RGPD8: variants seen among roughly 807,000 people sequenced by gnomAD.
RGPD8 encodes the protein RANBP2 like and GRIP domain containing 8, also known as RANBP2-like and GRIP domain-containing protein 8.
Under a neutral mutation model 89.1 loss-of-function variants are expected in RGPD8, and 15 were observed. The ratio of observed to expected loss-of-function variants is 0.17; its 90% CI spans 0.11 to 0.26. RGPD8 has a LOEUF of 0.26. Ranked by LOEUF, RGPD8 falls within the 10% of genes least tolerant of loss-of-function variation. The pLI is 1.00. For missense variants in RGPD8, 178 were observed against 1,179.6 expected (o/e 0.15, Z 12.44); for synonymous variants, 62 against 420.9 (o/e 0.15, Z 10.44).
At chr2:112,428,765 T>A (rs1679886872) in intron 1 of RGPD8, among the ~76,000 whole-genome samples, 1 of 152,194 alleles carries the variant, frequency 6.6e-6, no homozygotes, top group African/African-American at 2.4e-5. Context: ...TTTGACCACA[T>A]TTGAGGGTTT....
chr2:112,411,084 C>G, intron 7 of RGPD8, among the ~76,000 whole-genome samples: 1 of 151,908 alleles, frequency 6.6e-6, no homozygotes, highest in Non-Finnish European at 1.5e-5. Flanking sequence ...AACTCCGTCT[C>G]AAAAAGAAAA....
chr2:112,411,520 G>A (rs1224595407), intron 7 of RGPD8, among the ~76,000 whole-genome samples: 3 of 29,386 alleles, frequency 1.0e-4, no homozygotes, highest in African/African-American at 4.1e-4. Context: ...GCAGTGAGCC[G>A]AGATCATGCC....
At chr2:112,370,890 C>A (rs1290466123) in intron 22 of RGPD8, among the ~76,000 whole-genome samples, 2 of 151,766 alleles carry the variant, frequency 1.3e-5, no homozygotes, top group Admixed American at 1.3e-4. Context: ...ATCTTACCAG[C>A]ACATAAGAAA....
intron 1 of RGPD8, among the ~76,000 whole-genome samples, chr2:112,427,146 A>C (rs1461939272): frequency 6.6e-6 from 1 of 152,150 alleles, no homozygotes; most frequent in Non-Finnish European, 1.5e-5. Flanking sequence ...ATGCCAAAAC[A>C]TAATAGAAAA....
At chr2:112,425,357 T>C (rs1301485360) in intron 1 of RGPD8, among the ~76,000 whole-genome samples, 1 of 151,044 alleles carries the variant, frequency 6.6e-6, no homozygotes, top group East Asian at 1.9e-4. Flanking sequence ...AGATCAGTAT[T>C]TTACAGTCAA....
intron 1 of RGPD8, among the ~76,000 whole-genome samples, chr2:112,429,942 G>A (rs1328194130): frequency 6.6e-6 from 1 of 152,030 alleles, no homozygotes; most frequent in African/African-American, 2.4e-5. Context: ...CGAGTAGGTG[G>A]GACTACAGGC....
rs74374156 is a variant in RGPD8, at chr2:112,380,769, A to C, written c.5061+55T>G. On this transcript the variant is annotated intron_variant, in intron 21 of 22. Transcript: ENST00000302558. Reference sequence around the variant, plus strand: ...TTAAACTTGGGTGCATGTGTATGGAAGGTCCAGAAAACCAAACTGGCGGTT... The same window carrying C: ...TTAAACTTGGGTGCATGTGTATGGACGGTCCAGAAAACCAAACTGGCGGTT... 4 of 1,220,518 alleles carry C rather than the reference A, an allele frequency of 3.3e-6. 1 individual carries two copies. The highest frequency in any genetic ancestry group is 4.3e-5 in the Admixed American group (2 of 46,434). 75.6% of individuals were successfully genotyped at this position (1,220,518 alleles called of 1,614,324 possible). A position where few individuals can be genotyped will look rare whatever the true frequency, so the allele number is the denominator to read the frequency against.
In RGPD8 at chr2:112,388,157, CACT is replaced by C. The variant is rs1431464165; in HGVS notation, c.4785_4787del (p.Val1596del). 1.6e-6 allele frequency: 2 copies of C among 1,282,806 alleles called. No homozygotes were observed. Among genetic ancestry groups the C allele is most frequent in the Admixed American group, 4.9e-5 (2 of 40,414 alleles). The allele number at this position is 1,282,806 out of a possible 1,614,324, so 79.5% of individuals were successfully genotyped here. A position where few individuals can be genotyped will look rare whatever the true frequency, so the allele number is the denominator to read the frequency against. On this transcript the variant is annotated inframe_deletion, in exon 20 of 23. Transcript: ENST00000302558. ...TTGACAGTTCACATTTTTTAGGTTC[CACT>C]TTGCTTTCAGATCCACTCTGGGCTA...
chr2:112,409,607 C>A (rs1438309396), intron 7 of RGPD8, among the ~76,000 whole-genome samples: 1 of 148,104 alleles, frequency 6.8e-6, no homozygotes, highest in Admixed American at 6.6e-5. Flanking sequence ...GACCAACCAG[C>A]CTGGGAAACA....
intron 22 of RGPD8, among the ~76,000 whole-genome samples, chr2:112,373,423 G>T (rs545590752): frequency 2.2e-4 from 33 of 152,274 alleles, no homozygotes; most frequent in African/African-American, 8.0e-4. Flanking sequence ...TTTCAGAGTT[G>T]GGTAACCTAC....
chr2:112,390,429 CATT>C (rs1439813006), intron 19 of RGPD8, among the ~76,000 whole-genome samples, 182 bp from the exon 20 acceptor site: 7 of 137,616 alleles, frequency 5.1e-5, no homozygotes, highest in African/African-American at 1.9e-4. Flanking sequence ...AAGCACTTTA[CATT>C]ATTATCTCAT....
At chr2:112,427,956 G>C (rs1679846182) in intron 1 of RGPD8, among the ~76,000 whole-genome samples, 1 of 152,170 alleles carries the variant, frequency 6.6e-6, no homozygotes, top group Admixed American at 6.5e-5. Flanking sequence ...AGAAACTCCA[G>C]CTTTCAGGTA....
At chr2:112,433,277 G>A (rs1161374576) in intron 1 of RGPD8, 105 bp downstream of exon 1, 8 of 1,199,940 alleles carry the variant, frequency 6.7e-6, no homozygotes, top group Admixed American at 4.1e-5. Context: ...AGCAGCGCCC[G>A]TCGGGAGCCA....
chr2:112,433,618 G>T lies in RGPD8; in HGVS notation c.-165C>A, dbSNP rs1436941404. On this transcript the variant is annotated 5_prime_UTR_variant, in exon 1 of 23. Transcript: ENST00000302558. Reference sequence around the variant, plus strand: ...GCCGCCCACGGAGGCCCACTGTGACGAACCTGCGTTCTGCCTCAGCACTGT... The same window carrying T: ...GCCGCCCACGGAGGCCCACTGTGACTAACCTGCGTTCTGCCTCAGCACTGT... 3 of 781,374 alleles carry T rather than the reference G, an allele frequency of 3.8e-6. No homozygotes were observed. Among genetic ancestry groups the T allele is most frequent in the Non-Finnish European group, 6.0e-6 (3 of 500,730 alleles). 48.4% of individuals were successfully genotyped at this position (781,374 alleles called of 1,614,324 possible).
intron 22 of RGPD8, 147 bp from the exon 23 acceptor site, chr2:112,370,359 G>GGGTTGT: frequency 9.9e-6 from 1 of 100,750 alleles, no homozygotes; most frequent in South Asian, 2.7e-4. Flanking sequence ...GGGGGGGGGG[G>GGGTTGT]TTCTTTTTTT....
intron 20 of RGPD8, among the ~76,000 whole-genome samples, chr2:112,382,521 G>GT (rs1194388910): frequency 6.6e-6 from 1 of 152,142 alleles, no homozygotes; most frequent in Admixed American, 6.5e-5. Context: ...CACAGACTCC[G>GT]TATCAGTTGT....
At chr2:112,429,963 C>T (rs1405988172) in intron 1 of RGPD8, among the ~76,000 whole-genome samples, 9 of 152,068 alleles carry the variant, frequency 5.9e-5, no homozygotes, top group African/African-American at 1.4e-4. Context: ...GCTGCCACCA[C>T]GCCCGGCTCA....
chr2:112,374,858 CTTTTTTTTTT>C (rs780008775), intron 22 of RGPD8, among the ~76,000 whole-genome samples: 578 of 103,360 alleles, frequency 5.6e-3, no homozygotes, highest in Non-Finnish European at 8.0e-3. Context: ...AGTTTACATT[CTTTTTTTTTT>C]TTTTTTTTTT....
intron 1 of RGPD8, among the ~76,000 whole-genome samples, chr2:112,428,749 G>A (rs1679886176): frequency 6.6e-6 from 1 of 152,238 alleles, no homozygotes; most frequent in Non-Finnish European, 1.5e-5. Flanking sequence ...GGGATTATGT[G>A]ACCAGTTTGA....
Sources: allele counts gnomAD v4.1 joint callset (sites outside exome capture counted in the v4.1 genomes callset), GRCh38; gene constraint gnomAD v4.1.1; transcripts MANE v1.5; gene names NCBI Gene and HGNC (gene_info 2026-07-23, HGNC 2026-07-21).